Variants in PBX1 observed in about 807,000 individuals in gnomAD.
PBX1 encodes the protein pre-B-cell leukemia transcription factor 1.
PBX1 carries 6 observed loss-of-function variants against 53.4 expected under a neutral mutation model. The observed-to-expected ratio is 0.11, with a 90% CI of 0.06 to 0.22. PBX1 has a LOEUF of 0.22. PBX1 is among the 10% of genes least tolerant of loss of function. The probability of loss-of-function intolerance (pLI) is 1.00; values close to 1 mark genes in which losing one functional copy is unlikely to be tolerated. For missense variants in PBX1, 251 were observed against 551.4 expected, an observed-to-expected ratio of 0.46 and a Z score of 5.46; for synonymous variants, 204 against 212.3, an observed-to-expected ratio of 0.96 and a Z score of 0.34.
Position 164,848,850 on chromosome 1 carries a change from A to G in PBX1, c.*2174A>G. ...AAACACTGTGTGTGCTCAGGGGAGC[A>G]GGGGATGCCACTGAAGAAACTCAAG... is the stretch of plus-strand genomic sequence containing the variant. On this transcript the variant is annotated 3_prime_UTR_variant, in exon 9 of 9. Coordinates refer to ENST00000420696, the MANE Select transcript of PBX1 (RefSeq NM_002585.4). The G allele has an allele frequency of 9.4e-7, 1 of 1,065,528 alleles. No individual in the cohort carries two copies. The highest frequency in any genetic ancestry group is 1.6e-5 in the African/African-American group (1 of 61,162). The allele number at this position is 1,065,528 out of a possible 1,614,324, so 66.0% of individuals were successfully genotyped here. A position where few individuals can be genotyped will look rare whatever the true frequency, so the allele number is the denominator to read the frequency against.
rs115632432 is a variant in PBX1, at chr1:164,721,181, A to G, written c.266-71313A>G. On this transcript the variant is annotated intron_variant, in intron 2 of 8. Coordinates refer to ENST00000420696, the MANE Select transcript of PBX1 (RefSeq NM_002585.4). ...CCATTTCTGGAATTTGCCTCTTGGC[A>G]TCATCATGCAGGGGGCTTTTTCTAG... 2.9e-3 allele frequency among the ~76,000 whole-genome samples: 442 copies of G among 152,338 alleles called. 2 individuals are homozygous for G. Among genetic ancestry groups the G allele is most frequent in the Non-Finnish European group, 4.7e-3 (321 of 68,030 alleles).
intron 2 of PBX1, chr1:164,774,402 G>A (rs1318189274): frequency 6.6e-6 from 1 of 152,146 alleles, no homozygotes; most frequent in Non-Finnish European, 1.5e-5. Flanking sequence ...TCTTCAAGGT[G>A]AGGATACAAT....
intron 2 of PBX1, among the ~76,000 whole-genome samples, chr1:164,715,445 C>T (rs1571274940): frequency 6.6e-6 from 1 of 152,146 alleles, no homozygotes; most frequent in African/African-American, 2.4e-5. Context: ...TTGAGGTTCT[C>T]AGTAGCAGGA....
chr1:164,872,290 T>G (rs1168245193), intron 2 of PBX1, among the ~76,000 whole-genome samples: 2 of 152,176 alleles, frequency 1.3e-5, no homozygotes, highest in African/African-American at 4.8e-5. Flanking sequence ...GCATTCATGG[T>G]TAGAGGCATC....
intron 6 of PBX1, chr1:164,815,377 T>G (rs1035524797): frequency 6.6e-6 from 1 of 152,242 alleles, no homozygotes; most frequent in African/African-American, 2.4e-5. Context: ...GGAATTCTTT[T>G]GCTTAGCTGT....
intron 5 of PBX1, among the ~76,000 whole-genome samples, chr1:164,809,025 G>A (rs1669484137): frequency 1.3e-5 from 2 of 152,140 alleles, no homozygotes; most frequent in South Asian, 2.1e-4. Flanking sequence ...CCACAAAAAA[G>A]GGAATTAATG....
At position 164,847,618 on chromosome 1, in the gene PBX1, GAC is replaced by G. The variant is rs1491151856; in HGVS notation, c.*949_*950del. 3.2e-5 allele frequency: 34 copies of G among 1,062,126 alleles called. No individual in the cohort carries two copies. Among genetic ancestry groups the G allele is most frequent in the Middle Eastern group, 4.1e-4 (1 of 2,416 alleles). The allele number at this position is 1,062,126 out of a possible 1,614,324, so 65.8% of individuals were successfully genotyped here. A position where few individuals can be genotyped will look rare whatever the true frequency, so the allele number is the denominator to read the frequency against. On this transcript the variant is annotated 3_prime_UTR_variant, in exon 9 of 9. Coordinates refer to ENST00000420696, the MANE Select transcript of PBX1 (RefSeq NM_002585.4). ...CTTCAACCTCAACTATGCCTTCATA[GAC>G]ACACACGTTCATGCACATGTAGGCA... is the stretch of plus-strand genomic sequence containing the variant.
chr1:164,802,885 T>C (rs1669154274), intron 4 of PBX1, among the ~76,000 whole-genome samples: 1 of 152,012 alleles, frequency 6.6e-6, no homozygotes, highest in Non-Finnish European at 1.5e-5. Context: ...TTTTTTTTAG[T>C]TAAAAGAGGG....
At chr1:164,707,904 A>G (rs145596328) in intron 2 of PBX1, among the ~76,000 whole-genome samples, 7 of 152,388 alleles carry the variant, frequency 4.6e-5, no homozygotes, top group African/African-American at 1.7e-4. Context: ...GAAGCCCTGC[A>G]TTAAGGCAAG....
chr1:164,666,334 A>T (rs1660807445), intron 2 of PBX1, among the ~76,000 whole-genome samples: 2 of 152,308 alleles, frequency 1.3e-5, no homozygotes, highest in Middle Eastern at 3.4e-3. Flanking sequence ...ATGCTAACAA[A>T]AGGCTTAAGT....
intron 2 of PBX1, among the ~76,000 whole-genome samples, chr1:164,676,622 G>A (rs761521595): frequency 9.2e-5 from 14 of 152,208 alleles, no homozygotes; most frequent in Non-Finnish European, 1.8e-4. Context: ...TAATTGAAGC[G>A]TTTAAGAGGA....
At chr1:164,740,251 A>T (rs1011598198) in intron 2 of PBX1, among the ~76,000 whole-genome samples, 1 of 152,188 alleles carries the variant, frequency 6.6e-6, no homozygotes, top group Non-Finnish European at 1.5e-5. Context: ...TGTTGCAGTT[A>T]TCTCTACTAT....
At chr1:164,700,679 A>G in intron 2 of PBX1, 1 of 985,392 alleles carries the variant, frequency 1.0e-6, no homozygotes, top group Non-Finnish European at 1.2e-6. Flanking sequence ...AGCAGATAGG[A>G]TGATGGAAGG....
intron 2 of PBX1, among the ~76,000 whole-genome samples, chr1:164,868,249 G>A (rs779785938): frequency 2.0e-5 from 3 of 152,134 alleles, no homozygotes; most frequent in Non-Finnish European, 2.9e-5. Flanking sequence ...TGTCCGCCCC[G>A]AGATATTCTC....
chr1:164,686,542 C>T (rs1403078313), intron 2 of PBX1, among the ~76,000 whole-genome samples: 1 of 152,088 alleles, frequency 6.6e-6, no homozygotes, highest in African/African-American at 2.4e-5. Flanking sequence ...TTTAAGGTAT[C>T]AGAAGGTAGA....
At chr1:164,610,814 C>G (rs576307917) in intron 2 of PBX1, among the ~76,000 whole-genome samples, 2 of 152,322 alleles carry the variant, frequency 1.3e-5, no homozygotes, top group South Asian at 2.1e-4. Flanking sequence ...ATGCTCCCCT[C>G]TCCTTAAAAT....
intron 2 of PBX1, among the ~76,000 whole-genome samples, chr1:164,658,312 A>G (rs1413212543): frequency 6.6e-6 from 1 of 152,198 alleles, no homozygotes; most frequent in Non-Finnish European, 1.5e-5. Flanking sequence ...GCCATTTCCA[A>G]AGGTTCTCAT....
chr1:164,580,424 G>A (rs1001068594), intron 2 of PBX1, among the ~76,000 whole-genome samples: 10 of 152,016 alleles, frequency 6.6e-5, no homozygotes, highest in Admixed American at 1.3e-4. Context: ...GATTACAGGC[G>A]TGCGCCACCA....
chr1:164,695,968 G>GAA, intron 2 of PBX1, among the ~76,000 whole-genome samples: 1 of 152,340 alleles, frequency 6.6e-6, no homozygotes, highest in East Asian at 1.9e-4. Context: ...GTTGGAAGGT[G>GAA]TGCATTGATT....
Sources: gnomAD v4.1 joint callset for allele counts (sites outside exome capture counted in the v4.1 genomes callset) on GRCh38, gnomAD v4.1.1 for gene constraint, MANE v1.5 for transcripts, NCBI Gene and HGNC (gene_info 2026-07-23, HGNC 2026-07-21) for gene names.